ST6GALNAC5: variants seen among roughly 807,000 people sequenced by gnomAD.
The protein encoded by ST6GALNAC5 is ST6 N-acetylgalactosaminide alpha-2,6-sialyltransferase 5, also known as alpha-N-acetylgalactosaminide alpha-2,6-sialyltransferase 5.
ST6GALNAC5 carries 27 observed loss-of-function variants against 33.6 expected under a neutral mutation model. The ratio of observed to expected loss-of-function variants is 0.80; its 90% CI spans 0.59 to 1.11. ST6GALNAC5 has a LOEUF of 1.11. Among genes scored for constraint, ST6GALNAC5 ranks in the 50% least tolerant of loss-of-function variants. ST6GALNAC5 has a pLI of 0.00. For synonymous variants in ST6GALNAC5, 194 were observed against 171.2 expected (o/e 1.13, Z -1.04); for missense variants, 428 against 454.0 (o/e 0.94, Z 0.52).
chr1:77,036,338 C>A (rs59424670), intron 2 of ST6GALNAC5, among the ~76,000 whole-genome samples: 3,437 of 152,218 alleles, frequency 0.023, 130 homozygotes, highest in African/African-American at 0.079. Context: ...TTAGGTCATG[C>A]TGATGGTTGC....
At chr1:76,899,011 G>C (rs899310046) in intron 2 of ST6GALNAC5, among the ~76,000 whole-genome samples, 2 of 152,126 alleles carry the variant, frequency 1.3e-5, no homozygotes, top group Non-Finnish European at 2.9e-5. Flanking sequence ...ATGTGTAAAA[G>C]AATGCCTGGA....
chr1:77,033,667 A>G lies in ST6GALNAC5; in HGVS notation c.262-10537A>G, dbSNP rs538855718. On this transcript the variant is annotated intron_variant, in intron 2 of 4. Coordinates refer to ENST00000477717, the MANE Select transcript of ST6GALNAC5 (RefSeq NM_030965.3). ...GGAAGGGCCTCCTGGAGGAGGTGAC[A>G]TTTAAGCTGAGACCTGAGCGATGAG... Among the ~76,000 whole-genome samples the G allele has an allele frequency of 2.6e-5, 4 of 152,288 alleles. No individual in the cohort carries two copies. In the East Asian group the frequency reaches 7.7e-4, roughly 29 times the overall value.
intron 2 of ST6GALNAC5, among the ~76,000 whole-genome samples, chr1:76,966,632 A>G (rs1043316620): frequency 6.6e-6 from 1 of 152,148 alleles, no homozygotes; most frequent in Admixed American, 6.5e-5. Flanking sequence ...TTCCAACACT[A>G]TGTTGAATAG....
rs6670588 is a variant in ST6GALNAC5 at position 76,962,861 on chromosome 1, G to C, written c.262-81343G>C. 6.7e-3 allele frequency among the ~76,000 whole-genome samples: 1,016 copies of C among 152,172 alleles called. 15 individuals carry two copies. Among genetic ancestry groups the C allele is most frequent in the African/African-American group, 0.019 (807 of 41,512 alleles). On this transcript the variant is annotated intron_variant, in intron 2 of 4. Transcript: ENST00000477717. Reference sequence around the variant, plus strand: ...TTTCCACTCATTAGTATATTCTATTGACTCCAAAACTAAAGGGAGATTTAT... The same window carrying C: ...TTTCCACTCATTAGTATATTCTATTCACTCCAAAACTAAAGGGAGATTTAT...
At chr1:76,870,583 G>A (rs1211359463) in intron 2 of ST6GALNAC5, among the ~76,000 whole-genome samples, 1 of 152,058 alleles carries the variant, frequency 6.6e-6, no homozygotes, top group Non-Finnish European at 1.5e-5. Flanking sequence ...TTCAATTTTT[G>A]TTTATCAGAG....
In ST6GALNAC5 at chr1:77,063,892, T is replaced by C. The variant is rs563146489; in HGVS notation, c.*686T>C. The C allele has an allele frequency of 3.9e-5, 6 of 152,780 alleles. No individual in the cohort carries two copies. The highest frequency in any genetic ancestry group is 1.4e-4 in the African/African-American group (6 of 41,580). The allele number at this position is 152,780 out of a possible 1,614,324, so 9.5% of individuals were successfully genotyped here. ...CTCATTGTTAGCATGCAATTGGTAT[T>C]TGACTTGGAAGTGTTGTGTTGTATT... is the stretch of plus-strand genomic sequence containing the variant. On this transcript the variant is annotated 3_prime_UTR_variant, in exon 5 of 5. Coordinates refer to ENST00000477717, the MANE Select transcript of ST6GALNAC5 (RefSeq NM_030965.3).
intron 2 of ST6GALNAC5, among the ~76,000 whole-genome samples, chr1:77,015,042 C>T (rs1034170591): frequency 3.9e-5 from 5 of 127,732 alleles, no homozygotes; most frequent in Non-Finnish European, 7.9e-5. Flanking sequence ...ATAGGACACT[C>T]GCACACAAAC....
At chr1:76,952,606 C>T (rs1449266071) in intron 2 of ST6GALNAC5, among the ~76,000 whole-genome samples, 1 of 152,012 alleles carries the variant, frequency 6.6e-6, no homozygotes, top group African/African-American at 2.4e-5. Flanking sequence ...GCCAATTACC[C>T]TGATCTGATC....
chr1:77,047,212 T>G (rs1652044172), intron 3 of ST6GALNAC5, among the ~76,000 whole-genome samples: 1 of 152,176 alleles, frequency 6.6e-6, no homozygotes, highest in Non-Finnish European at 1.5e-5. Flanking sequence ...GCCTCTTGCC[T>G]TCGGGAAACA....
intron 2 of ST6GALNAC5, among the ~76,000 whole-genome samples, chr1:77,021,836 T>C (rs1651064809): frequency 6.6e-6 from 1 of 152,216 alleles, no homozygotes; most frequent in African/African-American, 2.4e-5. Flanking sequence ...AACCACTCTC[T>C]AAATCTTAGC....
chr1:77,030,787 T>G (rs953541526), intron 2 of ST6GALNAC5, among the ~76,000 whole-genome samples: 14 of 152,240 alleles, frequency 9.2e-5, no homozygotes, highest in African/African-American at 2.9e-4. Context: ...GAAGAAGTTT[T>G]CTAAACCTTG....
chr1:76,879,837 C>T (rs565686104), intron 2 of ST6GALNAC5, among the ~76,000 whole-genome samples: 1 of 150,134 alleles, frequency 6.7e-6, no homozygotes. Flanking sequence ...GTCCTCCACA[C>T]ATCCCATTCC....
intron 2 of ST6GALNAC5, among the ~76,000 whole-genome samples, chr1:76,887,156 T>C (rs1396259203): frequency 6.6e-6 from 1 of 152,100 alleles, no homozygotes. Context: ...AAAAGTAAAA[T>C]AGAAATTTCT....
At chr1:76,941,332 C>T (rs1164723693) in intron 2 of ST6GALNAC5, among the ~76,000 whole-genome samples, 1 of 152,058 alleles carries the variant, frequency 6.6e-6, no homozygotes, top group South Asian at 2.1e-4. Flanking sequence ...ATGTTTTTCT[C>T]CTGCTGAGGA....
At chr1:76,930,937 C>T (rs149796153) in intron 2 of ST6GALNAC5, among the ~76,000 whole-genome samples, 3 of 152,266 alleles carry the variant, frequency 2.0e-5, no homozygotes, top group Admixed American at 6.5e-5. Flanking sequence ...CACACCCTTG[C>T]GTGGGACATT....
chr1:76,917,099 T>C (rs985335462), intron 2 of ST6GALNAC5, among the ~76,000 whole-genome samples: 1 of 152,178 alleles, frequency 6.6e-6, no homozygotes, highest in African/African-American at 2.4e-5. Context: ...CCTTCAACTA[T>C]ACAAATTTTG....
intron 2 of ST6GALNAC5, among the ~76,000 whole-genome samples, chr1:77,020,195 A>G (rs938431131): frequency 6.6e-6 from 1 of 152,190 alleles, no homozygotes; most frequent in Admixed American, 6.5e-5. Context: ...TATGAAGATA[A>G]CAAGCATGCT....
chr1:76,994,264 G>T (rs1649842424), intron 2 of ST6GALNAC5, among the ~76,000 whole-genome samples: 1 of 152,202 alleles, frequency 6.6e-6, no homozygotes, highest in African/African-American at 2.4e-5. Flanking sequence ...TGGCTTGATA[G>T]TTCATGTTAA....
intron 4 of ST6GALNAC5, among the ~76,000 whole-genome samples, chr1:77,052,139 G>A (rs1165397169): frequency 6.6e-6 from 1 of 152,180 alleles, no homozygotes; most frequent in African/African-American, 2.4e-5. Context: ...CCAAAGCTTT[G>A]ATAGTTGTTT....
Sources: gnomAD v4.1 joint callset for allele counts (sites outside exome capture counted in the v4.1 genomes callset) on GRCh38, gnomAD v4.1.1 for gene constraint, MANE v1.5 for transcripts, NCBI Gene and HGNC (gene_info 2026-07-23, HGNC 2026-07-21) for gene names.